The following PTPRD variants were observed in gnomAD, a reference collection of about 807,000 sequenced individuals.
The protein encoded by PTPRD is receptor-type tyrosine-protein phosphatase delta.
A neutral mutation model predicts 214.5 loss-of-function variants in PTPRD; 34 were observed. The ratio of observed to expected loss-of-function variants is 0.16; its 90% CI spans 0.12 to 0.21. The LOEUF is 0.21. Ranked by LOEUF, PTPRD falls within the 10% of genes least tolerant of loss-of-function variation. The pLI is 1.00. For missense variants in PTPRD, 2,545 were observed against 2,398.7 expected, an observed-to-expected ratio of 1.06 and a Z score of -1.27; for synonymous variants, 1,128 against 845.7, an observed-to-expected ratio of 1.33 and a Z score of -5.79.
intron 11 of PTPRD, among the ~76,000 whole-genome samples, chr9:8,831,756 CTG>C (rs891673754): frequency 7.9e-5 from 12 of 152,212 alleles, no homozygotes; most frequent in African/African-American, 2.9e-4. Flanking sequence ...GGTTTCAACA[CTG>C]TATCACTTTT....
chr9:8,487,441 G>A (rs1396962952), intron 27 of PTPRD, among the ~76,000 whole-genome samples: 1 of 151,964 alleles, frequency 6.6e-6, no homozygotes, highest in Non-Finnish European at 1.5e-5. Context: ...ACAGAAAGAA[G>A]AAGAAAGGCC....
chr9:8,714,317 G>T (rs76582047), intron 12 of PTPRD, among the ~76,000 whole-genome samples: 127 of 145,816 alleles, frequency 8.7e-4, no homozygotes, highest in Admixed American at 1.0e-3. Context: ...GTTTTTTTTT[G>T]TTTTGTTTTG....
At chr9:8,380,182 T>G (rs1020144265) in intron 37 of PTPRD, among the ~76,000 whole-genome samples, 13 of 152,300 alleles carry the variant, frequency 8.5e-5, no homozygotes, top group African/African-American at 2.6e-4. Flanking sequence ...TAGGATTTTC[T>G]AGGTGCAAAG....
At chr9:10,435,613 C>A (rs1452185135) in intron 2 of PTPRD, among the ~76,000 whole-genome samples, 2 of 151,818 alleles carry the variant, frequency 1.3e-5, no homozygotes, top group Non-Finnish European at 2.9e-5. Flanking sequence ...GTACTTTATT[C>A]ATTCCAAATA....
chr9:10,160,627 A>G (rs1028983283), intron 3 of PTPRD, among the ~76,000 whole-genome samples: 4 of 151,958 alleles, frequency 2.6e-5, no homozygotes, highest in Non-Finnish European at 5.9e-5. Context: ...CCATTATACT[A>G]AATAGGAAAA....
At chr9:10,481,696 T>C (rs543527708) in intron 2 of PTPRD, among the ~76,000 whole-genome samples, 1 of 152,304 alleles carries the variant, frequency 6.6e-6, no homozygotes, top group East Asian at 1.9e-4. Context: ...ATGTTAAAAA[T>C]CCTCATAGGT....
At position 8,982,536 on chromosome 9, in the gene PTPRD, T is replaced by C. The variant is rs543513020; in HGVS notation, c.-104+36161A>G. Among the ~76,000 whole-genome samples the C allele has an allele frequency of 1.7e-4, 26 of 149,194 alleles. 1 individual carries two copies. In the South Asian group the frequency reaches 5.3e-3, roughly 30 times the overall value. ...CAAATATGGCATCTAAGTATGAATCTTACTTAAAAAAAAAAAAAGAGAATG... is the reference window on the plus strand; with the variant it reads ...CAAATATGGCATCTAAGTATGAATCCTACTTAAAAAAAAAAAAAGAGAATG... On this transcript the variant is annotated intron_variant, in intron 11 of 45. Transcript: ENST00000381196.
chr9:9,008,280 G>C (rs2099490772), intron 11 of PTPRD, among the ~76,000 whole-genome samples: 1 of 148,884 alleles, frequency 6.7e-6, no homozygotes, highest in Non-Finnish European at 1.5e-5. Context: ...CCAGGCTGGA[G>C]TCCAGTGGCC....
At chr9:9,868,506 A>G (rs1212324474) in intron 5 of PTPRD, among the ~76,000 whole-genome samples, 8 of 152,000 alleles carry the variant, frequency 5.3e-5, no homozygotes, top group Non-Finnish European at 1.2e-4. Flanking sequence ...AAGATAAGAG[A>G]TTTGGAGGTA....
chr9:9,214,615 A>T (rs1435798826), intron 9 of PTPRD, among the ~76,000 whole-genome samples: 1 of 152,178 alleles, frequency 6.6e-6, no homozygotes, highest in Non-Finnish European at 1.5e-5. Flanking sequence ...TAAAACTGAC[A>T]ATGAGACCTC....
rs371669292 is a variant in PTPRD at position 8,399,096 on chromosome 9, C to CTTTTTTTT, written c.4210+5433_4210+5440dup. On this transcript the variant is annotated intron_variant, in intron 36 of 45. Transcript: ENST00000381196. ...TCCTATTTAGAATAAGCCCACTAAG[C>CTTTTTTTT]TTTTTTTTTTTTTTTTTCCTTGAAG... 3.6e-5 allele frequency among the ~76,000 whole-genome samples: 5 copies of CTTTTTTTT among 137,738 alleles called. 1 individual carries two copies. Among genetic ancestry groups the CTTTTTTTT allele is most frequent in the Non-Finnish European group, 6.2e-5 (4 of 64,916 alleles). 90.4% of individuals were successfully genotyped at this position (137,738 alleles called of 152,430 possible).
rs144867129 is a variant in PTPRD at position 10,460,189 on chromosome 9, C to T, written c.-599-119172G>A. ...AACTCAACCAAGGAGGTGAAAGACC[C>T]GTAAACTGAAAACTAGAAAATACAG... On this transcript the variant is annotated intron_variant, in intron 2 of 45. Transcript: ENST00000381196. Among the ~76,000 whole-genome samples the T allele has an allele frequency of 1.4e-4, 21 of 151,676 alleles. No individual in the cohort carries two copies. The East Asian group carries it at 2.9e-3, about 21-fold the overall frequency.
intron 9 of PTPRD, among the ~76,000 whole-genome samples, chr9:9,225,173 G>A (rs538963745): frequency 3.9e-5 from 6 of 151,980 alleles, no homozygotes; most frequent in Non-Finnish European, 7.4e-5. Flanking sequence ...GAAGGGGAAG[G>A]CTGAACTAAG....
chr9:8,747,139 T>C (rs1390511015), intron 11 of PTPRD, among the ~76,000 whole-genome samples: 1 of 152,210 alleles, frequency 6.6e-6, no homozygotes, highest in Non-Finnish European at 1.5e-5. Flanking sequence ...ACTGACCCTT[T>C]CCTTTATTAT....
intron 14 of PTPRD, among the ~76,000 whole-genome samples, chr9:8,604,122 CTGT>C (rs747265458): frequency 6.6e-6 from 1 of 152,176 alleles, no homozygotes; most frequent in Non-Finnish European, 1.5e-5. Flanking sequence ...GTGCCCAGTA[CTGT>C]TGTTGTAAAG....
intron 7 of PTPRD, among the ~76,000 whole-genome samples, chr9:9,731,562 A>T (rs936147985): frequency 6.6e-6 from 1 of 152,040 alleles, no homozygotes; most frequent in African/African-American, 2.4e-5. Flanking sequence ...TGCACCCATT[A>T]ACTCGTCATT....
In PTPRD at chr9:9,381,271, T is replaced by A. The variant is rs183625280; in HGVS notation, c.-203+16178A>T. Among the ~76,000 whole-genome samples, 596 of 152,214 alleles carry A rather than the reference T, an allele frequency of 3.9e-3. 1 individual carries two copies. The highest frequency in any genetic ancestry group is 5.3e-3 in the Non-Finnish European group (363 of 68,004). ...TGTCCAAGTTCTTTGTTCTCATTTG[T>A]GTCCTTCACTCTTTTACTGCCTTGA... On this transcript the variant is annotated intron_variant, in intron 9 of 45. Coordinates refer to ENST00000381196, the MANE Select transcript of PTPRD (RefSeq NM_002839.4).
At chr9:8,874,170 C>A (rs1033394497) in intron 11 of PTPRD, among the ~76,000 whole-genome samples, 1 of 152,096 alleles carries the variant, frequency 6.6e-6, no homozygotes, top group Non-Finnish European at 1.5e-5. Context: ...ATTTTACTAC[C>A]CACATTTAAC....
In PTPRD at chr9:8,844,923, C is replaced by A. The variant is rs966830458; in HGVS notation, c.-103-110977G>T. 3.3e-5 allele frequency among the ~76,000 whole-genome samples: 5 copies of A among 152,114 alleles called. No homozygotes were observed. The East Asian group carries it at 9.6e-4, about 29-fold the overall frequency. On this transcript the variant is annotated intron_variant, in intron 11 of 45. Coordinates refer to ENST00000381196, the MANE Select transcript of PTPRD (RefSeq NM_002839.4). Reference sequence around the variant, plus strand: ...CTTTTTTCCACATGACAACATAAAGCTCTCCAATTAAAAATGGACATTACC... The same window carrying A: ...CTTTTTTCCACATGACAACATAAAGATCTCCAATTAAAAATGGACATTACC...
Sources: allele counts gnomAD v4.1 joint callset (sites outside exome capture counted in the v4.1 genomes callset), GRCh38; gene constraint gnomAD v4.1.1; transcripts MANE v1.5; gene names NCBI Gene and HGNC (gene_info 2026-07-23, HGNC 2026-07-21).